Variants in PLEKHG4B observed in about 807,000 individuals in gnomAD.
The protein encoded by PLEKHG4B is pleckstrin homology domain-containing family G member 4B.
Under a neutral mutation model 121.3 loss-of-function variants are expected in PLEKHG4B, and 111 were observed. The observed-to-expected ratio is 0.92, with a 90% CI of 0.78 to 1.07. The LOEUF is 1.07. Among genes scored for constraint, PLEKHG4B ranks in the 50% least tolerant of loss-of-function variants. The pLI, the probability that PLEKHG4B is intolerant of heterozygous loss-of-function variation, is 0.00. For synonymous variants in PLEKHG4B, 738 were observed against 725.0 expected, an observed-to-expected ratio of 1.02 and a Z score of -0.29; for missense variants, 1,831 against 1,757.8, an observed-to-expected ratio of 1.04 and a Z score of -0.74.
At chr5:146,209 C>T (rs1735407344) in intron 6 of PLEKHG4B, among the ~76,000 whole-genome samples, 1 of 138,354 alleles carries the variant, frequency 7.2e-6, no homozygotes, top group African/African-American at 2.7e-5. Flanking sequence ...TTCTTTTTCT[C>T]CCCCTCCACT....
chr5:143,351 T>C (rs1299734920), intron 4 of PLEKHG4B, 29 bp from the exon 5 acceptor site: 1 of 1,609,044 alleles, frequency 6.2e-7, no homozygotes, highest in South Asian at 1.1e-5. Flanking sequence ...GTGAAGCCCT[T>C]GGCAGCTGCC....
At chr5:96,021 C>T (rs944526786) in intron 1 of PLEKHG4B, among the ~76,000 whole-genome samples, 3 of 152,160 alleles carry the variant, frequency 2.0e-5, no homozygotes, top group Admixed American at 6.5e-5. Context: ...ACTGGGACAT[C>T]GGGGGATTGG....
chr5:169,031 AC>A (rs1736446114), intron 13 of PLEKHG4B: 4 of 344,244 alleles, frequency 1.2e-5, no homozygotes, highest in South Asian at 8.4e-5. Flanking sequence ...GCCTGCCACT[AC>A]CCCCAGCTAA....
At chr5:104,018 T>C (rs1441799412) in intron 1 of PLEKHG4B, among the ~76,000 whole-genome samples, 1 of 150,092 alleles carries the variant, frequency 6.7e-6, no homozygotes, top group Non-Finnish European at 1.5e-5. Context: ...AGCACCGATA[T>C]TCCTAAACAA....
chr5:177,935 T>C (rs1352995987), intron 18 of PLEKHG4B, among the ~76,000 whole-genome samples: 20 of 151,592 alleles, frequency 1.3e-4, no homozygotes, highest in African/African-American at 4.4e-4. Flanking sequence ...GGAAATTGTA[T>C]GCATCCCCAT....
At chr5:99,687 C>T (rs1733745275) in intron 1 of PLEKHG4B, among the ~76,000 whole-genome samples, 1 of 152,014 alleles carries the variant, frequency 6.6e-6, no homozygotes, top group Non-Finnish European at 1.5e-5. Context: ...AAATGGTTTT[C>T]CTTCTTCCTT....
Position 159,971 on chromosome 5 carries a change from A to G in PLEKHG4B, c.2488-1812A>G, listed in dbSNP as rs1023435796. The stretch of plus-strand genomic sequence containing the variant: ...CGTGCTGAGTGTTACGCCTTGGAAG[A>G]TGCTTGCAGGGCTTTAGTGGTGTCT... On this transcript the variant is annotated intron_variant, in intron 11 of 19. Transcript: ENST00000637938. The surrounding 1 kb of genome is among the most constrained non-coding windows in gnomAD (Gnocchi z 5.5). Among the ~76,000 whole-genome samples, 4 of 152,150 alleles carry G rather than the reference A, an allele frequency of 2.6e-5. No homozygotes were observed. The highest frequency in any genetic ancestry group is 1.3e-4 in the Admixed American group (2 of 15,284).
At chr5:155,288 A>C in intron 8 of PLEKHG4B, 57 bp from the exon 9 acceptor site, 1 of 1,447,274 alleles carries the variant, frequency 6.9e-7, no homozygotes, top group Admixed American at 1.7e-5. Context: ...ACAGCTGCTT[A>C]CTTTAGCATT....
intron 1 of PLEKHG4B, among the ~76,000 whole-genome samples, chr5:110,659 A>G (rs898558134): frequency 1.3e-5 from 2 of 151,810 alleles, no homozygotes; most frequent in African/African-American, 2.4e-5. Context: ...ACAATCTGCA[A>G]CACACGTGCA....
chr5:165,537 G>GCTCACACTAATGCTCTGACGGGGCGGA (rs1736292338), intron 13 of PLEKHG4B, among the ~76,000 whole-genome samples: 1 of 19,024 alleles, frequency 5.3e-5, no homozygotes, highest in Non-Finnish European at 1.2e-4. Flanking sequence ...GACGGGGCGG[G>GCTCACACTAATGCTCTGACGGGGCGGA]GCTCACACTA....
chr5:96,944 G>A (rs762372896), intron 1 of PLEKHG4B, among the ~76,000 whole-genome samples: 2 of 152,190 alleles, frequency 1.3e-5, no homozygotes, highest in East Asian at 1.9e-4. Flanking sequence ...TTTACATAAC[G>A]TAAAATCAAC....
intron 1 of PLEKHG4B, among the ~76,000 whole-genome samples, chr5:100,281 A>G (rs1054776074): frequency 6.6e-6 from 1 of 152,206 alleles, no homozygotes; most frequent in East Asian, 1.9e-4. Context: ...AAATTACTAG[A>G]AAGTCTGCAG....
At chr5:135,542 T>C (rs1269099606) in intron 2 of PLEKHG4B, among the ~76,000 whole-genome samples, 1 of 149,060 alleles carries the variant, frequency 6.7e-6, no homozygotes, top group Non-Finnish European at 1.5e-5. Flanking sequence ...GGCAGGTACC[T>C]GTAGGCCCAG....
intron 1 of PLEKHG4B, among the ~76,000 whole-genome samples, chr5:109,487 A>C (rs1734075314): frequency 6.7e-6 from 1 of 150,168 alleles, no homozygotes; most frequent in African/African-American, 2.5e-5. Flanking sequence ...CCCAGGTGCC[A>C]CACCCTGGGC....
At chr5:134,121 A>ATG (rs1302651292) in intron 2 of PLEKHG4B, among the ~76,000 whole-genome samples, 5 of 101,736 alleles carry the variant, frequency 4.9e-5, no homozygotes, top group East Asian at 3.0e-4. Context: ...ATATATATAT[A>ATG]TGTGATGGAA....
At position 151,495 on chromosome 5, in the gene PLEKHG4B, A is replaced by G; in HGVS notation, c.1906-18A>G. 6.8e-7 allele frequency: 1 copy of G among 1,471,836 alleles called. No homozygotes were observed. Among genetic ancestry groups the G allele is most frequent in the East Asian group, 2.3e-5 (1 of 43,798 alleles). 91.2% of individuals were successfully genotyped at this position (1,471,836 alleles called of 1,614,324 possible). ...ATTAGAAAGCTAATCAGTAATATTTATTTCTTATTTATTTCAGAACAACAC... is the reference window on the plus strand; with the variant it reads ...ATTAGAAAGCTAATCAGTAATATTTGTTTCTTATTTATTTCAGAACAACAC... On this transcript the variant is annotated intron_variant, in intron 6 of 19. Transcript: ENST00000637938.
intron 6 of PLEKHG4B, 42 bp downstream of exon 6, chr5:144,962 G>A (rs147627379): frequency 4.1e-5 from 64 of 1,552,536 alleles, no homozygotes; most frequent in Middle Eastern, 1.7e-4. Flanking sequence ...GCAGAGCATC[G>A]TAGGGCCGTG....
At chr5:130,309 C>T (rs1423140395) in intron 2 of PLEKHG4B, among the ~76,000 whole-genome samples, 1 of 152,058 alleles carries the variant, frequency 6.6e-6, no homozygotes, top group East Asian at 1.9e-4. Context: ...AATTGGCAGA[C>T]TTGAAGAGAT....
intron 2 of PLEKHG4B, among the ~76,000 whole-genome samples, chr5:132,707 A>G (rs948058791): frequency 4.9e-4 from 75 of 152,084 alleles, no homozygotes; most frequent in African/African-American, 1.7e-3. Flanking sequence ...GGCTGTAAAT[A>G]TTTGGGTGTA....
Sources: allele counts gnomAD v4.1 joint callset (sites outside exome capture counted in the v4.1 genomes callset), GRCh38; gene constraint gnomAD v4.1.1; non-coding constraint Gnocchi (gnomAD v3.1); transcripts MANE v1.5; gene names NCBI Gene and HGNC (gene_info 2026-07-23, HGNC 2026-07-21).